Variants in DPF3 observed in about 807,000 individuals in gnomAD.
The protein encoded by DPF3 is double PHD fingers 3.
Under a neutral mutation model 56.8 loss-of-function variants are expected in DPF3, and 18 were observed. The ratio of observed to expected loss-of-function variants is 0.32; its 90% CI spans 0.22 to 0.47. The LOEUF is 0.47. Among genes scored for constraint, DPF3 ranks in the 20% least tolerant of loss-of-function variants. DPF3 has a pLI of 1.00. For missense variants in DPF3, 403 were observed against 488.8 expected (o/e 0.82, Z 1.65); for synonymous variants, 188 against 180.2 (o/e 1.04, Z -0.35).
chr14:72,767,760 CAAAAAA>C (rs372452441), intron 2 of DPF3, among the ~76,000 whole-genome samples: 10 of 72,500 alleles, frequency 1.4e-4, no homozygotes, highest in South Asian at 9.0e-4. Flanking sequence ...CCAAATTTGG[CAAAAAA>C]AAAAAAAAAA....
At chr14:72,648,360 G>A (rs1016074126) in intron 8 of DPF3, among the ~76,000 whole-genome samples, 10 of 152,026 alleles carry the variant, frequency 6.6e-5, no homozygotes, top group African/African-American at 2.2e-4. Context: ...TCAGGAGTTC[G>A]AGACCAGCTT....
chr14:72,831,654 C>T (rs929492703), intron 1 of DPF3, among the ~76,000 whole-genome samples: 3 of 152,174 alleles, frequency 2.0e-5, no homozygotes, highest in Non-Finnish European at 4.4e-5. Context: ...CAGCACTGAG[C>T]CAAGAACTCA....
chr14:72,798,887 A>T (rs1042262886), intron 1 of DPF3, among the ~76,000 whole-genome samples: 3 of 152,234 alleles, frequency 2.0e-5, no homozygotes, highest in Non-Finnish European at 4.4e-5. Flanking sequence ...TGCTCCAGGC[A>T]TATCAGGGCT....
chr14:72,701,814 C>T (rs1443445171), intron 6 of DPF3, among the ~76,000 whole-genome samples: 4 of 152,160 alleles, frequency 2.6e-5, no homozygotes, highest in African/African-American at 9.7e-5. Flanking sequence ...GAGTCACCAG[C>T]CAGTCACCAG....
chr14:72,668,767 G>A (rs914515034), intron 8 of DPF3, among the ~76,000 whole-genome samples: 1 of 152,176 alleles, frequency 6.6e-6, no homozygotes, highest in African/African-American at 2.4e-5. Context: ...AAATGAGAGT[G>A]TAGATTGGTT....
intron 1 of DPF3, among the ~76,000 whole-genome samples, chr14:72,828,587 A>G (rs948939980): frequency 2.6e-5 from 4 of 151,364 alleles, no homozygotes; most frequent in African/African-American, 9.7e-5. Flanking sequence ...AAAGAGAGGA[A>G]AGGGGATTCC....
rs1206030050 is a variant in DPF3 at position 72,791,480 on chromosome 14, C to A, written c.33-19587G>T. Among the ~76,000 whole-genome samples the A allele has an allele frequency of 3.3e-5, 5 of 152,358 alleles. No homozygotes were observed. In the East Asian group the frequency reaches 9.7e-4, roughly 29 times the overall value. The stretch of plus-strand genomic sequence containing the variant: ...GAGAGCAGTGCCCTGGGGAGCCCAG[C>A]AAGCCCACAGCAAGCTGTCCTCCCA... On this transcript the variant is annotated intron_variant, in intron 1 of 10. Coordinates refer to ENST00000556509, the MANE Select transcript of DPF3 (RefSeq NM_001280542.3).
At chr14:72,836,617 A>G (rs1567250387) in intron 1 of DPF3, 1 of 802,836 alleles carries the variant, frequency 1.2e-6, no homozygotes, top group African/African-American at 1.9e-5. Context: ...TCTGAAGGAA[A>G]CCTCCTACCC....
chr14:72,800,589 G>T (rs915426242), intron 1 of DPF3, among the ~76,000 whole-genome samples: 2 of 152,046 alleles, frequency 1.3e-5, no homozygotes, highest in Admixed American at 6.5e-5. Flanking sequence ...TGGATGGATG[G>T]ATGTGTGCAT....
chr14:72,710,112 T>C (rs1045883329), intron 6 of DPF3, among the ~76,000 whole-genome samples: 4 of 152,372 alleles, frequency 2.6e-5, no homozygotes, highest in Admixed American at 2.0e-4. Context: ...ATCAGGAGTC[T>C]GCTCCAATGA....
At chr14:72,619,406 C>A in intron 10 of DPF3, 39 bp from the exon 11 acceptor site, 1 of 1,534,140 alleles carries the variant, frequency 6.5e-7, no homozygotes, top group Non-Finnish European at 8.7e-7. Context: ...AGCCCCTCTG[C>A]TAACTCTGGA....
intron 3 of DPF3, among the ~76,000 whole-genome samples, chr14:72,740,565 G>A (rs547949136): frequency 2.0e-4 from 30 of 152,332 alleles, no homozygotes; most frequent in African/African-American, 7.2e-4. Context: ...CCAGGATGGA[G>A]GCCAAGTGGA....
At chr14:72,771,698 G>A (rs1160307269) in intron 2 of DPF3, 35 bp downstream of exon 2, 31 of 1,589,758 alleles carry the variant, frequency 1.9e-5, no homozygotes, top group Admixed American at 5.2e-5. Flanking sequence ...CTGGGAGCCT[G>A]CACATGCGCA....
At chr14:72,808,806 G>A (rs1362067726) in intron 1 of DPF3, among the ~76,000 whole-genome samples, 4 of 152,178 alleles carry the variant, frequency 2.6e-5, no homozygotes, top group South Asian at 2.1e-4. Flanking sequence ...GGCATGTAAG[G>A]ACATCTGTTT....
At position 72,612,519 on chromosome 14, in the gene DPF3, T is replaced by G. The variant is rs1275237789; in HGVS notation, c.*6778A>C. 1.9e-6 allele frequency: 1 copy of G among 518,926 alleles called. No individual in the cohort carries two copies. The highest frequency in any genetic ancestry group is 1.4e-5 in the South Asian group (1 of 71,580). The allele number at this position is 518,926 out of a possible 1,614,324, so 32.1% of individuals were successfully genotyped here. On this transcript the variant is annotated 3_prime_UTR_variant, in exon 11 of 11. Transcript: ENST00000556509. The stretch of plus-strand genomic sequence containing the variant: ...ATATTTTCTTTTTCCTATACGCCAC[T>G]GTTGCTTCCCACTTCCCACCTCCAC...
chr14:72,718,771 A>ATTTTTT (rs766396428), intron 5 of DPF3, among the ~76,000 whole-genome samples: 1 of 93,894 alleles, frequency 1.1e-5, no homozygotes, highest in African/African-American at 4.4e-5. Flanking sequence ...CACCCTTGCT[A>ATTTTTT]TTTTTTTTTT....
At chr14:72,851,017 A>C (rs752284170) in intron 1 of DPF3, among the ~76,000 whole-genome samples, 3 of 152,216 alleles carry the variant, frequency 2.0e-5, no homozygotes, top group Non-Finnish European at 4.4e-5. Flanking sequence ...ATGAAGATTC[A>C]GGGTTGCCAG....
chr14:72,808,119 A>G (rs976727813), intron 1 of DPF3, among the ~76,000 whole-genome samples: 2 of 152,168 alleles, frequency 1.3e-5, no homozygotes, highest in Non-Finnish European at 2.9e-5. Context: ...GGTAGAGGTC[A>G]GGGATGGACT....
rs1294303796 is a variant in DPF3, at chr14:72,610,748, CTGGCTCT to C, written c.*8542_*8548del. 2.6e-5 allele frequency among the ~76,000 whole-genome samples: 4 copies of C among 152,334 alleles called. No homozygotes were observed. In the East Asian group the frequency reaches 7.7e-4, roughly 29 times the overall value. On this transcript the variant is annotated 3_prime_UTR_variant, in exon 11 of 11. Coordinates refer to ENST00000556509, the MANE Select transcript of DPF3 (RefSeq NM_001280542.3). ...ATGGAGCCTTCTCAGAGCTCAGCCA[CTGGCTCT>C]TGGGCTCCCAGGTTCATCCCTCAAG...
Sources: gnomAD v4.1 joint callset for allele counts (sites outside exome capture counted in the v4.1 genomes callset) on GRCh38, gnomAD v4.1.1 for gene constraint, MANE v1.5 for transcripts, NCBI Gene and HGNC (gene_info 2026-07-23, HGNC 2026-07-21) for gene names.